UGT1A8: variants seen among roughly 807,000 people sequenced by gnomAD.
UGT1A8 encodes the protein UDP-glucuronosyltransferase 1A8.
Under a neutral mutation model 45.3 loss-of-function variants are expected in UGT1A8, and 39 were observed. That is an observed-to-expected ratio of 0.86 (90% confidence interval 0.67 to 1.12). The LOEUF is 1.12. Among genes scored for constraint, UGT1A8 ranks in the 50% most tolerant of loss-of-function variants. The pLI is 0.00. For synonymous variants in UGT1A8, 275 were observed against 249.2 expected (o/e 1.10, Z -0.97); for missense variants, 719 against 664.9 (o/e 1.08, Z -0.90).
intron 1 of UGT1A8, among the ~76,000 whole-genome samples, chr2:233,710,720 A>T (rs1249058463): frequency 2.0e-5 from 3 of 152,188 alleles, no homozygotes; most frequent in African/African-American, 7.2e-5. Context: ...TTCATTTTTT[A>T]AAAAACAACG....
intron 1 of UGT1A8, among the ~76,000 whole-genome samples, chr2:233,635,928 G>A (rs2073280640): frequency 1.3e-5 from 2 of 150,836 alleles, no homozygotes; most frequent in African/African-American, 4.9e-5. Flanking sequence ...CATGGAGGCA[G>A]GGTTGTCAAT....
intron 1 of UGT1A8, among the ~76,000 whole-genome samples, chr2:233,752,171 G>A (rs1336232019): frequency 2.6e-5 from 4 of 152,222 alleles, no homozygotes; most frequent in Non-Finnish European, 2.9e-5. Context: ...AGTGTGTGAT[G>A]TAAGCTGAAT....
At chr2:233,753,022 A>G (rs1695114886) in intron 1 of UGT1A8, among the ~76,000 whole-genome samples, 1 of 152,162 alleles carries the variant, frequency 6.6e-6, no homozygotes, top group South Asian at 2.1e-4. Context: ...GTGATTTACA[A>G]CACAAAAAAC....
At chr2:233,755,221 C>T (rs1695818847) in intron 1 of UGT1A8, 1 of 995,834 alleles carries the variant, frequency 1.0e-6, no homozygotes. Context: ...TTGATACCCT[C>T]GGACGAGGCC....
chr2:233,645,584 T>C (rs1450796282), intron 1 of UGT1A8, among the ~76,000 whole-genome samples: 1 of 152,118 alleles, frequency 6.6e-6, no homozygotes, highest in Non-Finnish European at 1.5e-5. Flanking sequence ...AATTGGCCAA[T>C]AAGGGGGCTA....
At chr2:233,633,488 C>T (rs754440647) in intron 1 of UGT1A8, among the ~76,000 whole-genome samples, 17 of 152,140 alleles carry the variant, frequency 1.1e-4, no homozygotes, top group Non-Finnish European at 2.2e-4. Flanking sequence ...AATTTCAAAA[C>T]CTGTTATTGG....
At chr2:233,688,287 C>T (rs532357511) in intron 1 of UGT1A8, among the ~76,000 whole-genome samples, 13 of 152,254 alleles carry the variant, frequency 8.5e-5, no homozygotes, top group South Asian at 2.1e-4. Context: ...ATGGATTTAC[C>T]GCATTTTTTT....
intron 1 of UGT1A8, among the ~76,000 whole-genome samples, chr2:233,753,929 G>A (rs147100101): frequency 1.3e-5 from 2 of 152,234 alleles, no homozygotes; most frequent in African/African-American, 4.8e-5. Context: ...CAGTGATATG[G>A]GATTCAAATG....
At chr2:233,735,683 G>A (rs909239593) in intron 1 of UGT1A8, among the ~76,000 whole-genome samples, 11 of 152,010 alleles carry the variant, frequency 7.2e-5, no homozygotes, top group African/African-American at 2.7e-4. Context: ...CTTCCTTTAG[G>A]AGCTCTTGTA....
intron 1 of UGT1A8, among the ~76,000 whole-genome samples, chr2:233,723,421 G>T (rs2077083067): frequency 7.4e-6 from 1 of 135,012 alleles, no homozygotes; most frequent in South Asian, 2.8e-4. Context: ...TACTGGTCAG[G>T]CTGGTCTCGA....
intron 1 of UGT1A8, among the ~76,000 whole-genome samples, chr2:233,671,694 C>T (rs1405615111): frequency 2.0e-5 from 3 of 152,230 alleles, no homozygotes; most frequent in Admixed American, 6.5e-5. Context: ...GCATGTTCTG[C>T]CCCCAAGGCA....
At chr2:233,686,122 T>A (rs558315313) in intron 1 of UGT1A8, among the ~76,000 whole-genome samples, 1 of 152,234 alleles carries the variant, frequency 6.6e-6, no homozygotes, top group East Asian at 1.9e-4. Flanking sequence ...ACCCTTACCT[T>A]GTATCATATA....
chr2:233,623,863 A>C (rs2073053285), intron 1 of UGT1A8, among the ~76,000 whole-genome samples: 3 of 152,162 alleles, frequency 2.0e-5, no homozygotes, highest in Admixed American at 2.0e-4. Flanking sequence ...ATCAGACTCC[A>C]AGACCATTTG....
intron 1 of UGT1A8, among the ~76,000 whole-genome samples, chr2:233,638,609 C>G (rs1033576783): frequency 6.6e-6 from 1 of 152,126 alleles, no homozygotes; most frequent in African/African-American, 2.4e-5. Context: ...AGATTCTTGG[C>G]AAACGCATAG....
intron 1 of UGT1A8, chr2:233,760,122 C>T (rs535497865): frequency 2.2e-4 from 285 of 1,291,908 alleles, no homozygotes; most frequent in Non-Finnish European, 2.8e-4. Context: ...TAATAAAGCT[C>T]CACCTTCTTT....
chr2:233,649,815 GA>G (rs2073695303), intron 1 of UGT1A8, among the ~76,000 whole-genome samples: 2 of 152,140 alleles, frequency 1.3e-5, no homozygotes, highest in Non-Finnish European at 2.9e-5. Flanking sequence ...CTGTTACCAT[GA>G]TGTTTGGTCT....
At chr2:233,743,713 A>G (rs753029773) in intron 1 of UGT1A8, 5 of 1,367,332 alleles carry the variant, frequency 3.7e-6, no homozygotes, top group South Asian at 2.3e-5. Flanking sequence ...CCGCCTCGCC[A>G]TAGCGGTCAT....
intron 1 of UGT1A8, chr2:233,747,473 T>G: frequency 1.4e-5 from 23 of 1,608,772 alleles, no homozygotes; most frequent in Non-Finnish European, 1.9e-5. Flanking sequence ...GGACCCAGGA[T>G]GAATTTGATC....
At chr2:233,718,746 TA>T in intron 1 of UGT1A8, 8 of 1,612,108 alleles carry the variant, frequency 5.0e-6, no homozygotes, top group Non-Finnish European at 5.9e-6. Flanking sequence ...AATGACAAGG[TA>T]ATTAAGGCGA....
Sources: gnomAD v4.1 joint callset for allele counts (sites outside exome capture counted in the v4.1 genomes callset) on GRCh38, gnomAD v4.1.1 for gene constraint, MANE v1.5 for transcripts, NCBI Gene and HGNC (gene_info 2026-07-23, HGNC 2026-07-21) for gene names.